The following NSDHL variants were observed in gnomAD, a reference collection of about 807,000 sequenced individuals.
NSDHL encodes the protein NAD(P) dependent 3-beta-hydroxysteroid dehydrogenase NSDHL.
In NSDHL, 1 loss-of-function variant was observed where a neutral mutation model predicts 23.0. The observed-to-expected ratio is 0.04, with a 90% CI of 0.02 to 0.21. The LOEUF is 0.21. Among genes scored for constraint, NSDHL ranks in the 10% least tolerant of loss-of-function variants. The probability of loss-of-function intolerance (pLI) is 1.00; values close to 1 mark genes in which losing one functional copy is unlikely to be tolerated. For missense variants in NSDHL, 237 were observed against 300.9 expected (o/e 0.79, Z 1.57); for synonymous variants, 128 against 121.1 (o/e 1.06, Z -0.37).
intron 1 of NSDHL, among the ~76,000 whole-genome samples, chrX:152,834,629 T>G (rs6627691): frequency 8.9e-6 from 1 of 112,722 alleles, no homozygotes; most frequent in Non-Finnish European, 1.9e-5. Context: ...CTAAGAAATA[T>G]GTCCATAATG....
chrX:152,835,481 G>A (rs1484103206), intron 1 of NSDHL, among the ~76,000 whole-genome samples: 1 of 92,284 alleles, frequency 1.1e-5, no homozygotes, highest in African/African-American at 4.0e-5. Context: ...CCCAGTGTGT[G>A]ATGTTCCCCG....
At chrX:152,868,545 A>G (rs1041842772) in intron 7 of NSDHL, among the ~76,000 whole-genome samples, 1 of 112,722 alleles carries the variant, frequency 8.9e-6, no homozygotes, top group Non-Finnish European at 1.9e-5. Flanking sequence ...ACAATTATCA[A>G]ATTAACAAAT....
intron 4 of NSDHL, among the ~76,000 whole-genome samples, chrX:152,859,286 T>C (rs1252564060): frequency 8.9e-6 from 1 of 112,025 alleles, no homozygotes. Flanking sequence ...TTAAGTACAC[T>C]CACAATGTTG....
intron 1 of NSDHL, 118 bp downstream of exon 1, chrX:152,831,235 A>T (rs1320937480): frequency 1.7e-5 from 5 of 294,614 alleles, no homozygotes; most frequent in Non-Finnish European, 3.0e-5. Context: ...CCTAAGGCTG[A>T]GTTTAGGGAC....
chrX:152,842,209 G>A (rs1490717301), intron 1 of NSDHL, among the ~76,000 whole-genome samples: 1 of 111,921 alleles, frequency 8.9e-6, no homozygotes, highest in Non-Finnish European at 1.9e-5. Flanking sequence ...CCTGCTTTTA[G>A]TTTTTGGGGG....
At chrX:152,844,302 C>T (rs1933238489) in intron 1 of NSDHL, among the ~76,000 whole-genome samples, 1 of 112,403 alleles carries the variant, frequency 8.9e-6, no homozygotes, top group Non-Finnish European at 1.9e-5. Flanking sequence ...ACCCAGGCAG[C>T]CGACTCTGGG....
At chrX:152,833,727 G>A (rs1933050140) in intron 1 of NSDHL, among the ~76,000 whole-genome samples, 2 of 112,152 alleles carry the variant, frequency 1.8e-5, no homozygotes, top group Non-Finnish European at 3.8e-5. Context: ...GCTTCCCTGA[G>A]CCAGCAGCCT....
chrX:152,842,304 C>T (rs1602926413), intron 1 of NSDHL, among the ~76,000 whole-genome samples: 1 of 111,422 alleles, frequency 9.0e-6, no homozygotes, highest in African/African-American at 3.3e-5. Flanking sequence ...TTTTCCACAA[C>T]GTCGCACCAT....
At chrX:152,840,719 C>T (rs1380253297) in intron 1 of NSDHL, among the ~76,000 whole-genome samples, 25 of 112,191 alleles carry the variant, frequency 2.2e-4, no homozygotes, top group Admixed American at 1.4e-3. Context: ...AGGTGTCTGT[C>T]GGCCCCTACT....
In NSDHL at chrX:152,868,828, C is replaced by T. The variant is rs149698967; in HGVS notation, c.834C>T (p.Phe278=). The change falls in exon 8 of 8, where the codon TTC becomes TTT. Residue 278 remains phenylalanine (F), a synonymous_variant. Coordinates refer to ENST00000370274, the MANE Select transcript of NSDHL (RefSeq NM_015922.3). ...TNDEPIPFWT[F]LSRILTGLNY... is the part of the protein sequence containing the mutation. The stretch of plus-strand genomic sequence containing the variant: ...ATGAGCCCATCCCTTTCTGGACATT[C>T]CTGTCTCGCATCCTGACAGGCCTCA... 1.6e-4 allele frequency: 199 copies of T among 1,210,046 alleles called. 2 individuals carry two copies. The African/African-American group carries it at 2.6e-3, about 16-fold the overall frequency.
intron 6 of NSDHL, among the ~76,000 whole-genome samples, chrX:152,866,582 T>G (rs782082436): frequency 1.8e-5 from 2 of 113,167 alleles, no homozygotes; most frequent in African/African-American, 6.4e-5. Context: ...GGAGCGTCTG[T>G]TCCAGGCCTC....
intron 1 of NSDHL, among the ~76,000 whole-genome samples, chrX:152,846,053 A>T (rs1219535347): frequency 1.8e-5 from 2 of 112,851 alleles, no homozygotes; most frequent in African/African-American, 6.4e-5. Flanking sequence ...CTCTAATCTA[A>T]CAGTGTGGTG....
At chrX:152,859,250 A>G (rs1194098504) in intron 4 of NSDHL, among the ~76,000 whole-genome samples, 1 of 112,045 alleles carries the variant, frequency 8.9e-6, no homozygotes, top group Non-Finnish European at 1.9e-5. Context: ...CATCCTAACC[A>G]TTTTTAAGTG....
Position 152,869,484 on chromosome X carries a change from G to C in NSDHL, c.*368G>C, listed in dbSNP as rs1933675096. The C allele has an allele frequency of 3.7e-6, 1 of 267,695 alleles. No individual in the cohort carries two copies. The highest frequency in any genetic ancestry group is 2.8e-5 in the African/African-American group (1 of 35,804). The allele number at this position is 267,695 out of a possible 1,213,427, so 22.1% of individuals were successfully genotyped here. On this transcript the variant is annotated 3_prime_UTR_variant, in exon 8 of 8. Transcript: ENST00000370274. ...AAGCTACAACCCATTTGTTAGTTCT[G>C]ATGGAGAACCATTTCCATGCAGACC...
At position 152,831,097 on chromosome X, in the gene NSDHL, CA is replaced by C; in HGVS notation, c.-63del. The C allele has an allele frequency of 3.3e-6, 1 of 303,037 alleles. No homozygotes were observed. Among genetic ancestry groups the C allele is most frequent in the Non-Finnish European group, 5.8e-6 (1 of 173,571 alleles). The allele number at this position is 303,037 out of a possible 1,213,427, so 25.0% of individuals were successfully genotyped here. A position where few individuals can be genotyped will look rare whatever the true frequency, so the allele number is the denominator to read the frequency against. ...AGCCTGCTTGCGAGCTGAGGCCAGACAGGGGGGCGCCTACGGACGGGTAAGA... is the reference window on the plus strand; with the variant it reads ...AGCCTGCTTGCGAGCTGAGGCCAGACGGGGGGCGCCTACGGACGGGTAAGA... On this transcript the variant is annotated 5_prime_UTR_variant, in exon 1 of 8. Coordinates refer to ENST00000370274, the MANE Select transcript of NSDHL (RefSeq NM_015922.3).
chrX:152,844,399 C>T (rs6627694), intron 1 of NSDHL, among the ~76,000 whole-genome samples: 6,430 of 111,963 alleles, frequency 0.057, 149 homozygotes, highest in South Asian at 0.13. Context: ...AAGAGCAGAA[C>T]TCCACAGGGG....
chrX:152,851,782 A>G lies in NSDHL; in HGVS notation c.267+1359A>G, dbSNP rs186104028. 1.3e-4 allele frequency among the ~76,000 whole-genome samples: 14 copies of G among 110,751 alleles called. No individual in the cohort carries two copies. The East Asian group carries it at 3.4e-3, about 27-fold the overall frequency. ...CTGCTCCCCTTCCCAGTGACTCCACATCATTTCTCAGTGATTTCAGCTCCT... is the reference window on the plus strand; with the variant it reads ...CTGCTCCCCTTCCCAGTGACTCCACGTCATTTCTCAGTGATTTCAGCTCCT... On this transcript the variant is annotated intron_variant, in intron 3 of 7. Coordinates refer to ENST00000370274, the MANE Select transcript of NSDHL (RefSeq NM_015922.3).
chrX:152,867,720 T>G (rs1556848267), intron 7 of NSDHL, 47 bp downstream of exon 7: 1 of 935,980 alleles, frequency 1.1e-6, no homozygotes, highest in Non-Finnish European at 1.5e-6. Context: ...TTCTGCGGGT[T>G]TCTTCTCCTT....
chrX:152,857,808 G>A (rs1001253518), intron 3 of NSDHL, among the ~76,000 whole-genome samples: 4 of 111,385 alleles, frequency 3.6e-5, no homozygotes, highest in African/African-American at 9.8e-5. Flanking sequence ...CCTGTGAAGC[G>A]TTTAGAGGCA....
Sources: gnomAD v4.1 joint callset for allele counts (sites outside exome capture counted in the v4.1 genomes callset) on GRCh38, gnomAD v4.1.1 for gene constraint, MANE v1.5 for transcripts, NCBI Gene and HGNC (gene_info 2026-07-23, HGNC 2026-07-21) for gene names.